FUT9: variants seen among roughly 807,000 people sequenced by gnomAD.
FUT9 encodes 4-galactosyl-N-acetylglucosaminide 3-alpha-L-fucosyltransferase 9.
In FUT9, 15 loss-of-function variants were observed where a neutral mutation model predicts 29.7. The ratio of observed to expected loss-of-function variants is 0.51; its 90% CI spans 0.34 to 0.78. The LOEUF is 0.78. Among genes scored for constraint, FUT9 ranks in the 30% least tolerant of loss-of-function variants. The pLI, the probability that FUT9 is intolerant of heterozygous loss-of-function variation, is 0.01. For missense variants in FUT9, 319 were observed against 425.4 expected, an observed-to-expected ratio of 0.75 and a Z score of 2.20; for synonymous variants, 169 against 153.7, an observed-to-expected ratio of 1.10 and a Z score of -0.74.
intron 1 of FUT9, among the ~76,000 whole-genome samples, chr6:96,075,392 TTGTACC>T (rs1771126954): frequency 6.6e-6 from 1 of 152,182 alleles, no homozygotes. Flanking sequence ...AATTTTAATT[TTGTACC>T]ATTTCATATT....
intron 1 of FUT9, among the ~76,000 whole-genome samples, chr6:96,102,908 C>T (rs1209669396): frequency 6.6e-6 from 1 of 152,066 alleles, no homozygotes; most frequent in Non-Finnish European, 1.5e-5. Flanking sequence ...CATGCTGTGC[C>T]AATAGACATT....
chr6:96,191,704 A>G (rs967063315), intron 2 of FUT9, among the ~76,000 whole-genome samples: 3 of 152,208 alleles, frequency 2.0e-5, no homozygotes, highest in African/African-American at 4.8e-5. Flanking sequence ...CAATAGAAAA[A>G]GAGGGAATCC....
intron 1 of FUT9, among the ~76,000 whole-genome samples, chr6:96,094,867 T>C (rs1268649778): frequency 1.3e-5 from 2 of 151,926 alleles, no homozygotes; most frequent in East Asian, 3.9e-4. Context: ...TTTCAATAGG[T>C]TTTTGGGGAA....
chr6:96,101,663 C>T (rs956170821), intron 1 of FUT9, among the ~76,000 whole-genome samples: 1 of 151,882 alleles, frequency 6.6e-6, no homozygotes, highest in African/African-American at 2.4e-5. Flanking sequence ...TTTACATACT[C>T]CAATTCTGGA....
chr6:96,092,501 A>G (rs939935030), intron 1 of FUT9, among the ~76,000 whole-genome samples: 2 of 152,134 alleles, frequency 1.3e-5, no homozygotes, highest in African/African-American at 2.4e-5. Context: ...AGGAATCTGC[A>G]TCATCTGATT....
At chr6:96,182,830 C>T (rs7774878) in intron 2 of FUT9, among the ~76,000 whole-genome samples, 138,523 of 152,100 alleles carry the variant, frequency 0.91, 64,484 homozygotes, top group Non-Finnish European at 1. Context: ...CCAGGCTGTT[C>T]TGGTGACTAT....
chr6:96,200,081 C>G (rs1292566377), intron 2 of FUT9, among the ~76,000 whole-genome samples: 1 of 152,040 alleles, frequency 6.6e-6, no homozygotes, highest in Non-Finnish European at 1.5e-5. Context: ...TGGTTTTGGA[C>G]AAGTCACTTA....
intron 2 of FUT9, among the ~76,000 whole-genome samples, chr6:96,162,888 G>A (rs1247677243): frequency 6.6e-6 from 1 of 152,194 alleles, no homozygotes; most frequent in Non-Finnish European, 1.5e-5. Flanking sequence ...GGTCATTCAG[G>A]AAGGCTAGAA....
chr6:96,140,516 C>T (rs190022270), intron 2 of FUT9, among the ~76,000 whole-genome samples: 1 of 152,278 alleles, frequency 6.6e-6, no homozygotes, highest in East Asian at 1.9e-4. Flanking sequence ...CATTTTCACA[C>T]TGCTATGAAG....
intron 2 of FUT9, among the ~76,000 whole-genome samples, chr6:96,154,667 C>A (rs1772742384): frequency 6.6e-6 from 1 of 152,020 alleles, no homozygotes; most frequent in African/African-American, 2.4e-5. Flanking sequence ...TTTTTTTGTG[C>A]CTGCAAACAG....
chr6:96,196,946 C>T (rs1171001468), intron 2 of FUT9, among the ~76,000 whole-genome samples: 3 of 151,944 alleles, frequency 2.0e-5, no homozygotes, highest in African/African-American at 7.3e-5. Flanking sequence ...TTATTAGTGG[C>T]CTTGGAGGAA....
intron 2 of FUT9, among the ~76,000 whole-genome samples, chr6:96,118,837 G>C (rs948149975): frequency 6.6e-6 from 1 of 151,924 alleles, no homozygotes; most frequent in African/African-American, 2.4e-5. Context: ...CTAGGCTAAG[G>C]TGTGGGTTTG....
At chr6:96,161,994 T>C (rs2127980214) in intron 2 of FUT9, among the ~76,000 whole-genome samples, 1 of 152,348 alleles carries the variant, frequency 6.6e-6, no homozygotes, top group Non-Finnish European at 1.5e-5. Flanking sequence ...AAAGGCATTT[T>C]TGCATTTCTG....
At chr6:96,183,219 T>C (rs555505856) in intron 2 of FUT9, among the ~76,000 whole-genome samples, 150 of 151,940 alleles carry the variant, frequency 9.9e-4, no homozygotes, top group African/African-American at 3.4e-3. Flanking sequence ...ATTGTAAAAG[T>C]GCTGAGTTCA....
intron 1 of FUT9, among the ~76,000 whole-genome samples, chr6:96,101,750 C>A (rs961605439): frequency 2.0e-5 from 3 of 151,224 alleles, no homozygotes; most frequent in Non-Finnish European, 2.9e-5. Context: ...ACCTCTTGGG[C>A]TCCAGCTATC....
intron 2 of FUT9, among the ~76,000 whole-genome samples, chr6:96,130,327 T>G (rs2127968834): frequency 6.6e-6 from 1 of 152,270 alleles, no homozygotes; most frequent in East Asian, 1.9e-4. Flanking sequence ...TCTTCATGTA[T>G]TAAATAAGAT....
chr6:96,193,030 T>TA (rs1182065774), intron 2 of FUT9, among the ~76,000 whole-genome samples: 13 of 151,308 alleles, frequency 8.6e-5, no homozygotes, highest in Middle Eastern at 3.4e-3. Flanking sequence ...ATCCCTTCCT[T>TA]ACACTTTATA....
At chr6:96,031,946 G>A (rs984017881) in intron 1 of FUT9, among the ~76,000 whole-genome samples, 2 of 151,514 alleles carry the variant, frequency 1.3e-5, no homozygotes, top group Non-Finnish European at 3.0e-5. Flanking sequence ...TGAAAGATCT[G>A]TAGCCAATGT....
chr6:96,030,231 C>A (rs1369444727), intron 1 of FUT9, among the ~76,000 whole-genome samples: 1 of 151,478 alleles, frequency 6.6e-6, no homozygotes, highest in Non-Finnish European at 1.5e-5. Flanking sequence ...GACTGATATG[C>A]AGGATATATA....
Sources: allele counts gnomAD v4.1 joint callset (sites outside exome capture counted in the v4.1 genomes callset), GRCh38; gene constraint gnomAD v4.1.1; transcripts MANE v1.5; gene names NCBI Gene and HGNC (gene_info 2026-07-23, HGNC 2026-07-21).